UTP18: variants seen among roughly 807,000 people sequenced by gnomAD.
The protein encoded by UTP18 is UTP18 small subunit processome component.
A neutral mutation model predicts 61.1 loss-of-function variants in UTP18; 36 were observed. The ratio of observed to expected loss-of-function variants is 0.59; its 90% confidence interval spans 0.45 to 0.78. The LOEUF (loss-of-function observed/expected upper bound fraction) is 0.78, where lower values mean the gene tolerates loss of function less well. Among genes scored for constraint, UTP18 ranks in the 30% least tolerant of loss-of-function variants. The pLI, the probability that UTP18 is intolerant of heterozygous loss-of-function variation, is 0.00. For synonymous variants in UTP18, 282 were observed against 251.1 expected, an observed-to-expected ratio of 1.12 and a Z score of -1.16; for missense variants, 753 against 693.9, an observed-to-expected ratio of 1.09 and a Z score of -0.96.
chr17:51,286,455 C>T (rs747966612), intron 10 of UTP18: 21 of 456,044 alleles, frequency 4.6e-5, no homozygotes, highest in Non-Finnish European at 8.4e-5. Flanking sequence ...AGCATACTCT[C>T]TACTCTTTGT....
At chr17:51,274,026 G>T (rs899732983) in intron 5 of UTP18, among the ~76,000 whole-genome samples, 1 of 152,102 alleles carries the variant, frequency 6.6e-6, no homozygotes, top group Non-Finnish European at 1.5e-5. Context: ...ATTCTACACT[G>T]CCCTTTACAG....
intron 4 of UTP18, among the ~76,000 whole-genome samples, chr17:51,270,014 C>T (rs1252636000): frequency 2.0e-5 from 3 of 152,070 alleles, no homozygotes; most frequent in Non-Finnish European, 2.9e-5. Flanking sequence ...CGCCATTACA[C>T]CTGGCTAATT....
chr17:51,281,161 TA>T (rs67272123), intron 9 of UTP18, among the ~76,000 whole-genome samples: 4,935 of 95,070 alleles, frequency 0.052, 95 homozygotes, highest in African/African-American at 0.065. Context: ...TATATATATA[TA>T]TATTTTTTTT....
chr17:51,267,831 G>A (rs1038986690), intron 3 of UTP18, among the ~76,000 whole-genome samples: 12 of 152,042 alleles, frequency 7.9e-5, no homozygotes, highest in African/African-American at 2.7e-4. Context: ...AGGGATCACA[G>A]TCCTATGCTG....
intron 3 of UTP18, among the ~76,000 whole-genome samples, chr17:51,267,838 G>A (rs1316938521): frequency 6.6e-6 from 1 of 152,030 alleles, no homozygotes; most frequent in Non-Finnish European, 1.5e-5. Flanking sequence ...ACAGTCCTAT[G>A]CTGTCATCCA....
chr17:51,268,219 G>T (rs1904368635), intron 3 of UTP18, among the ~76,000 whole-genome samples: 1 of 151,990 alleles, frequency 6.6e-6, no homozygotes, highest in Non-Finnish European at 1.5e-5. Context: ...GTAGAGACGG[G>T]GTTTCACCAT....
intron 11 of UTP18, among the ~76,000 whole-genome samples, chr17:51,290,638 C>G (rs1167328724): frequency 6.6e-6 from 1 of 152,170 alleles, no homozygotes; most frequent in Non-Finnish European, 1.5e-5. Flanking sequence ...ACCATGGGAT[C>G]TATCTCCTGT....
intron 7 of UTP18, among the ~76,000 whole-genome samples, chr17:51,279,311 C>T (rs527650061): frequency 6.6e-6 from 1 of 152,054 alleles, no homozygotes; most frequent in Non-Finnish European, 1.5e-5. Context: ...ATTTTGATAT[C>T]AGGAGGAGTC....
At chr17:51,296,823 C>T in intron 12 of UTP18, 142 bp from the exon 13 acceptor site, 1 of 719,480 alleles carries the variant, frequency 1.4e-6, no homozygotes. Context: ...ATTGAGGAGT[C>T]TGAACCTAAC....
chr17:51,273,284 A>T, intron 4 of UTP18, 78 bp from the exon 5 acceptor site: 1 of 1,035,276 alleles, frequency 9.7e-7, no homozygotes, highest in East Asian at 2.8e-5. Flanking sequence ...TTGAAAATAT[A>T]TTCATAGAAG....
intron 11 of UTP18, among the ~76,000 whole-genome samples, chr17:51,289,645 A>G (rs1170399176): frequency 2.6e-5 from 4 of 152,014 alleles, no homozygotes; most frequent in Non-Finnish European, 4.4e-5. Context: ...TCATTTAACA[A>G]TTTTTTGCTC....
intron 4 of UTP18, among the ~76,000 whole-genome samples, chr17:51,272,492 T>C (rs1412737482): frequency 6.6e-6 from 1 of 152,218 alleles, no homozygotes; most frequent in East Asian, 1.9e-4. Context: ...TTAGTCAAGT[T>C]ATCTTGTCAA....
At chr17:51,274,523 C>T (rs1170290979) in intron 5 of UTP18, among the ~76,000 whole-genome samples, 2 of 152,070 alleles carry the variant, frequency 1.3e-5, no homozygotes, top group African/African-American at 4.8e-5. Flanking sequence ...CTCACTGCAA[C>T]CTCCGCCTCC....
chr17:51,270,670 CT>C (rs1388101838), intron 4 of UTP18, among the ~76,000 whole-genome samples: 1 of 152,088 alleles, frequency 6.6e-6, no homozygotes, highest in African/African-American at 2.4e-5. Flanking sequence ...ATCCACTTGG[CT>C]TATAGGAGGA....
At chr17:51,273,512 TC>T in intron 5 of UTP18, 62 bp downstream of exon 5, 1 of 1,252,072 alleles carries the variant, frequency 8.0e-7, no homozygotes, top group Non-Finnish European at 1.1e-6. Flanking sequence ...TTAATTTGCT[TC>T]CCAGTAGCAG....
rs1905189549 is a variant in UTP18 at position 51,289,313 on chromosome 17, C to T, written c.1503+1110C>T. On this transcript the variant is annotated intron_variant, in intron 11 of 13. Coordinates refer to ENST00000225298, the MANE Select transcript of UTP18 (RefSeq NM_016001.3). The stretch of plus-strand genomic sequence containing the variant: ...CTGGGTTCAAGCGATTCTTCTGCCT[C>T]AGTCTCCTGAGTAGCTGGGATTATA... Among the ~76,000 whole-genome samples, 5 of 151,490 alleles carry T rather than the reference C, an allele frequency of 3.3e-5. No homozygotes were observed. In the South Asian group the frequency reaches 1.0e-3, roughly 32 times the overall value.
At chr17:51,292,216 A>C (rs570036097) in intron 11 of UTP18, among the ~76,000 whole-genome samples, 62 of 152,358 alleles carry the variant, frequency 4.1e-4, no homozygotes, top group African/African-American at 1.4e-3. Context: ...TATACTTAAA[A>C]GTAATTTCTC....
At chr17:51,293,683 A>G (rs566426451) in intron 11 of UTP18, among the ~76,000 whole-genome samples, 8 of 152,316 alleles carry the variant, frequency 5.3e-5, no homozygotes, top group African/African-American at 1.9e-4. Context: ...AAATTCATGT[A>G]GCAAAACTGC....
At chr17:51,279,657 A>G (rs1210827413) in intron 7 of UTP18, among the ~76,000 whole-genome samples, 1 of 152,160 alleles carries the variant, frequency 6.6e-6, no homozygotes, top group African/African-American at 2.4e-5. Flanking sequence ...ACTTTGTGAC[A>G]AAGAAGTATA....
Sources: allele counts gnomAD v4.1 joint callset (sites outside exome capture counted in the v4.1 genomes callset), GRCh38; gene constraint gnomAD v4.1.1; transcripts MANE v1.5; gene names NCBI Gene and HGNC (gene_info 2026-07-23, HGNC 2026-07-21).